The following PVT1 variants were observed in gnomAD, a reference collection of about 807,000 sequenced individuals.
The protein encoded by PVT1 is CXCR4/PVT1 fusion.
intron 3 of PVT1, among the ~76,000 whole-genome samples, chr8:127,966,857 G>A (rs1005876663): frequency 6.6e-6 from 1 of 152,156 alleles, no homozygotes; most frequent in African/African-American, 2.4e-5. Flanking sequence ...ATGGTGGGGA[G>A]TACCTGCTGA....
intron 4 of PVT1, among the ~76,000 whole-genome samples, chr8:128,010,030 T>C (rs1817294878): frequency 6.6e-6 from 1 of 151,994 alleles, no homozygotes; most frequent in Non-Finnish European, 1.5e-5. Context: ...GAACCTAAAA[T>C]CAGAAGTTGC....
At chr8:127,798,160 C>T (rs143758356) in intron 2 of PVT1, among the ~76,000 whole-genome samples, 7,230 of 151,768 alleles carry the variant, frequency 0.048, 238 homozygotes, top group African/African-American at 0.084. Flanking sequence ...AAAAATTAGC[C>T]GGGCATGGTG....
chr8:127,796,537 T>C (rs1321952124), intron 2 of PVT1, among the ~76,000 whole-genome samples: 2 of 152,180 alleles, frequency 1.3e-5, no homozygotes, highest in Admixed American at 1.3e-4. Context: ...GGAGCCTGTG[T>C]TTGCCATGCC....
intron 2 of PVT1, among the ~76,000 whole-genome samples, chr8:127,818,063 C>T (rs1814687180): frequency 6.6e-6 from 1 of 152,130 alleles, no homozygotes; most frequent in East Asian, 1.9e-4. Context: ...GTCCAGTTTA[C>T]TTCCCCTCAA....
chr8:128,100,343 G>A (rs562129984), intron 6 of PVT1, among the ~76,000 whole-genome samples: 20 of 152,254 alleles, frequency 1.3e-4, no homozygotes, highest in African/African-American at 4.6e-4. Flanking sequence ...CCTGGAGATC[G>A]ATGCATCCAG....
At chr8:127,934,099 T>C (rs1374303310) in intron 3 of PVT1, among the ~76,000 whole-genome samples, 1 of 152,196 alleles carries the variant, frequency 6.6e-6, no homozygotes, top group African/African-American at 2.4e-5. Flanking sequence ...ATGGGTCTCC[T>C]TTTCCCTAGT....
At chr8:127,882,693 A>T (rs1815481613) in intron 2 of PVT1, among the ~76,000 whole-genome samples, 1 of 152,058 alleles carries the variant, frequency 6.6e-6, no homozygotes, top group African/African-American at 2.4e-5. Context: ...CATGTTGGCC[A>T]GTCTGGTCTC....
intron 3 of PVT1, among the ~76,000 whole-genome samples, chr8:127,968,466 T>C (rs1170161023): frequency 6.6e-6 from 1 of 152,068 alleles, no homozygotes; most frequent in Non-Finnish European, 1.5e-5. Context: ...AGAACGTAAG[T>C]GCTCTTGGAG....
intron 4 of PVT1, among the ~76,000 whole-genome samples, chr8:128,051,404 G>A (rs1409313903): frequency 2.0e-5 from 3 of 152,150 alleles, no homozygotes; most frequent in African/African-American, 7.2e-5. Context: ...TGGCTTTAAT[G>A]TGCCTCAATG....
chr8:127,999,557 G>A (rs978569503), intron 4 of PVT1, among the ~76,000 whole-genome samples: 2 of 151,920 alleles, frequency 1.3e-5, no homozygotes, highest in African/African-American at 4.8e-5. Flanking sequence ...GCTCTCCCAG[G>A]TTCAAGCGAT....
intron 3 of PVT1, among the ~76,000 whole-genome samples, chr8:127,938,400 T>A (rs1282130254): frequency 1.3e-5 from 2 of 152,248 alleles, no homozygotes; most frequent in East Asian, 3.9e-4. Flanking sequence ...CAGACAGCTG[T>A]GTCCACGGCA....
chr8:128,016,564 T>C (rs1038671872), intron 4 of PVT1, among the ~76,000 whole-genome samples: 2 of 152,228 alleles, frequency 1.3e-5, no homozygotes, highest in Non-Finnish European at 2.9e-5. Flanking sequence ...TACAGCTGGA[T>C]CATGATTTAC....
intron 4 of PVT1, among the ~76,000 whole-genome samples, chr8:128,060,042 G>A (rs1304837142): frequency 6.6e-6 from 1 of 152,132 alleles, no homozygotes; most frequent in Admixed American, 6.5e-5. Context: ...GGATCACAAG[G>A]TCAGGAGATC....
rs536582923 is a variant in PVT1 at position 128,069,743 on chromosome 8, G to C, written n.913-417G>C. Among the ~76,000 whole-genome samples, 4 of 152,284 alleles carry C rather than the reference G, an allele frequency of 2.6e-5. No individual in the cohort carries two copies. In the South Asian group the frequency reaches 8.3e-4, roughly 32 times the overall value. On this transcript the variant is annotated intron_variant and non_coding_transcript_variant, in intron 4 of 10. Transcript: ENST00000651587. ...CTGCTCTTCATGATGGGGAAACTGAGGCACTGTGATTTGCCAAAGAGCCGT... is the reference window on the plus strand; with the variant it reads ...CTGCTCTTCATGATGGGGAAACTGACGCACTGTGATTTGCCAAAGAGCCGT...
chr8:128,101,046 C>G (rs561339203), intron 6 of PVT1: 2 of 152,306 alleles, frequency 1.3e-5, no homozygotes, highest in South Asian at 4.2e-4. Context: ...AGCAATTCAG[C>G]CCAACAGGAG....
chr8:127,979,525 G>T (rs1229160442), intron 3 of PVT1, among the ~76,000 whole-genome samples: 1 of 152,232 alleles, frequency 6.6e-6, no homozygotes, highest in Admixed American at 6.5e-5. Flanking sequence ...CAAGTAGGAT[G>T]TTTATTATGG....
chr8:128,069,568 A>C (rs547162858), intron 4 of PVT1, among the ~76,000 whole-genome samples: 2 of 152,308 alleles, frequency 1.3e-5, no homozygotes, highest in African/African-American at 4.8e-5. Context: ...TGGGTAACGT[A>C]AATCCCCATT....
intron 2 of PVT1, among the ~76,000 whole-genome samples, chr8:127,820,415 A>C (rs900672622): frequency 2.6e-5 from 4 of 152,228 alleles, no homozygotes; most frequent in African/African-American, 9.6e-5. Flanking sequence ...TTAAACTTCC[A>C]GATGTTCCTC....
At chr8:127,854,391 C>G (rs905505386) in intron 2 of PVT1, among the ~76,000 whole-genome samples, 20 of 152,296 alleles carry the variant, frequency 1.3e-4, no homozygotes, top group African/African-American at 4.3e-4. Context: ...AGCAGTGAGG[C>G]CTCTGAGTCA....
Sources: gnomAD v4.1 joint callset for allele counts (sites outside exome capture counted in the v4.1 genomes callset) on GRCh38, gnomAD v4.1.1 for gene constraint, MANE v1.5 for transcripts, NCBI Gene and HGNC (gene_info 2026-07-23, HGNC 2026-07-21) for gene names.